The following PTPRO variants were observed in gnomAD, a reference collection of about 807,000 sequenced individuals.
PTPRO encodes the protein protein tyrosine phosphatase receptor type O, also known as receptor-type tyrosine-protein phosphatase O.
Under a neutral mutation model 145.2 loss-of-function variants are expected in PTPRO, and 62 were observed. The observed-to-expected ratio is 0.43, with a 90% CI of 0.35 to 0.53. PTPRO has a LOEUF of 0.53. Among genes scored for constraint, PTPRO ranks in the 20% least tolerant of loss-of-function variants. PTPRO has a pLI of 0.01. For synonymous variants in PTPRO, 565 were observed against 514.7 expected (o/e 1.10, Z -1.32); for missense variants, 1,345 against 1,482.7 (o/e 0.91, Z 1.53).
At chr12:15,456,456 C>T (rs185758362) in intron 1 of PTPRO, among the ~76,000 whole-genome samples, 99 of 152,216 alleles carry the variant, frequency 6.5e-4, no homozygotes, top group Non-Finnish European at 1.3e-4. Flanking sequence ...CTTTGTTTGG[C>T]ATTGGTATCA....
chr12:15,532,369 A>G (rs148410188), intron 12 of PTPRO, among the ~76,000 whole-genome samples: 118 of 152,294 alleles, frequency 7.7e-4, no homozygotes, highest in African/African-American at 2.7e-3. Context: ...GTAGCAAAGT[A>G]CTTGCAATTT....
Position 15,546,410 on chromosome 12 carries a change from A to G in PTPRO, c.2165-159A>G, listed in dbSNP as rs903604144. On this transcript the variant is annotated intron_variant, in intron 12 of 26. Coordinates refer to ENST00000281171, the MANE Select transcript of PTPRO (RefSeq NM_030667.3). ...ATTCTGCCTTCCAAGTTAGATAGCT[A>G]TCTTTATGAAAGGACATATTTCAAA... is the stretch of plus-strand genomic sequence containing the variant. The G allele has an allele frequency of 3.5e-6, 5 of 1,447,518 alleles. No individual in the cohort carries two copies. In the African/African-American group the frequency reaches 7.2e-5, roughly 21 times the overall value. 89.7% of individuals were successfully genotyped at this position (1,447,518 alleles called of 1,614,324 possible). A position where few individuals can be genotyped will look rare whatever the true frequency, so the allele number is the denominator to read the frequency against.
intron 19 of PTPRO, among the ~76,000 whole-genome samples, chr12:15,574,882 T>G (rs1944145456): frequency 6.6e-6 from 1 of 152,196 alleles, no homozygotes; most frequent in African/African-American, 2.4e-5. Context: ...CTGCTGACAT[T>G]GTTACAAACC....
In PTPRO at chr12:15,568,560, A is replaced by G. The variant is rs145562332; in HGVS notation, c.2748-857A>G. Reference sequence around the variant, plus strand: ...CTGCCAAAGTGGAAAGGCTTGAGTTAGATGACAGAATGTGGAATTCTGCAG... The same window carrying G: ...CTGCCAAAGTGGAAAGGCTTGAGTTGGATGACAGAATGTGGAATTCTGCAG... On this transcript the variant is annotated intron_variant, in intron 18 of 26. Coordinates refer to ENST00000281171, the MANE Select transcript of PTPRO (RefSeq NM_030667.3). Among the ~76,000 whole-genome samples the G allele has an allele frequency of 5.1e-3, 783 of 152,364 alleles. 11 individuals are homozygous for G. The highest frequency in any genetic ancestry group is 0.018 in the African/African-American group (731 of 41,590).
At position 15,497,274 on chromosome 12, in the gene PTPRO, T is replaced by C. The variant is rs774106115; in HGVS notation, c.379T>C (p.Tyr127His). 2 of 1,580,936 alleles carry C rather than the reference T, an allele frequency of 1.3e-6. No individual in the cohort carries two copies. Among genetic ancestry groups the C allele is most frequent in the Admixed American group, 1.7e-5 (1 of 59,978 alleles). The change falls in exon 3 of 27, where the codon TAT (tyrosine) becomes CAT (histidine). Residue 127 changes from tyrosine (Y) to histidine (H), a missense_variant. This residue lies in a region of PTPRO where 1,130 missense variants were observed against 1,214.7 expected (regional missense o/e 0.93). Transcript: ENST00000281171. Reference sequence around the variant, plus strand: ...TCTACCTGTAACCAGTGTTTCCATATATGACTATAAACCTTCTCCTGAAAC... The same window carrying C: ...TCTACCTGTAACCAGTGTTTCCATACATGACTATAAACCTTCTCCTGAAAC... ...KPLPVTSVSI[Y>H]DYKPSPETGV...
intron 18 of PTPRO, among the ~76,000 whole-genome samples, chr12:15,566,288 C>T (rs994219297): frequency 3.9e-5 from 6 of 151,998 alleles, no homozygotes; most frequent in Admixed American, 3.9e-4. Context: ...TGATACCTGC[C>T]TGGATAGAAC....
chr12:15,483,851 C>T (rs1056659317), intron 1 of PTPRO, 123 bp from the exon 2 acceptor site: 3 of 1,033,604 alleles, frequency 2.9e-6, no homozygotes, highest in Non-Finnish European at 4.3e-6. Context: ...AGAAATAAGG[C>T]TTACCATAAA....
intron 1 of PTPRO, among the ~76,000 whole-genome samples, chr12:15,424,599 C>T (rs1426303506): frequency 6.6e-6 from 1 of 151,972 alleles, no homozygotes; most frequent in Non-Finnish European, 1.5e-5. Context: ...GTGAGTTCCA[C>T]AGCTGATGTA....
chr12:15,460,909 T>C (rs1399215531), intron 1 of PTPRO, among the ~76,000 whole-genome samples: 1 of 152,170 alleles, frequency 6.6e-6, no homozygotes, highest in African/African-American at 2.4e-5. Context: ...TCTCTCCTTG[T>C]TCCCCTTGTA....
intron 23 of PTPRO, among the ~76,000 whole-genome samples, chr12:15,585,261 A>C (rs565729769): frequency 6.6e-6 from 1 of 152,240 alleles, no homozygotes; most frequent in Admixed American, 6.5e-5. Context: ...CCTGGCAACC[A>C]AAGTTATCTG....
intron 1 of PTPRO, among the ~76,000 whole-genome samples, chr12:15,446,930 T>C (rs960540549): frequency 7.2e-5 from 11 of 152,090 alleles, no homozygotes; most frequent in Admixed American, 6.6e-4. Context: ...AAGTAACACC[T>C]GCAGAGAGCA....
intron 1 of PTPRO, among the ~76,000 whole-genome samples, chr12:15,351,069 G>A (rs1937786309): frequency 6.6e-6 from 1 of 152,086 alleles, no homozygotes; most frequent in South Asian, 2.1e-4. Flanking sequence ...AGAATCAACT[G>A]TATGGCGGAC....
At chr12:15,382,793 C>T (rs1384945947) in intron 1 of PTPRO, among the ~76,000 whole-genome samples, 3 of 152,136 alleles carry the variant, frequency 2.0e-5, no homozygotes, top group Non-Finnish European at 4.4e-5. Flanking sequence ...CAACTAAGTA[C>T]AACTTCTGGC....
intron 6 of PTPRO, among the ~76,000 whole-genome samples, chr12:15,507,085 T>C (rs1942335470): frequency 6.6e-6 from 1 of 152,106 alleles, no homozygotes; most frequent in Non-Finnish European, 1.5e-5. Flanking sequence ...AAAAGTGAGA[T>C]TTAATAAAAG....
In PTPRO at chr12:15,559,270, C is replaced by G. The variant is rs1943714984; in HGVS notation, c.2628-923C>G. ...ATAAAATCAAGCACATTTTGCAGCT[C>G]TTCACAAAGACAGTTTTGCCGACTC... On this transcript the variant is annotated intron_variant, in intron 16 of 26. Transcript: ENST00000281171. Among the ~76,000 whole-genome samples, 3 of 152,136 alleles carry G rather than the reference C, an allele frequency of 2.0e-5. No homozygotes were observed. In the South Asian group the frequency reaches 6.2e-4, roughly 32 times the overall value.
chr12:15,564,324 C>A (rs556095845), intron 17 of PTPRO, among the ~76,000 whole-genome samples: 5 of 152,310 alleles, frequency 3.3e-5, no homozygotes, highest in Non-Finnish European at 7.3e-5. Flanking sequence ...TCAATCAGAA[C>A]ATCACAAGCC....
At chr12:15,429,247 T>C (rs1213727487) in intron 1 of PTPRO, among the ~76,000 whole-genome samples, 1 of 152,298 alleles carries the variant, frequency 6.6e-6, no homozygotes, top group East Asian at 1.9e-4. Context: ...ACTTGGTCTC[T>C]GTGCTAATGG....
chr12:15,495,267 G>A (rs1942077470), intron 2 of PTPRO, among the ~76,000 whole-genome samples: 1 of 151,134 alleles, frequency 6.6e-6, no homozygotes. Flanking sequence ...GAAAACTCCA[G>A]GAAAAATCAA....
chr12:15,517,066 C>T, intron 9 of PTPRO, 110 bp downstream of exon 9: 1 of 1,053,118 alleles, frequency 9.5e-7, no homozygotes, highest in Non-Finnish European at 1.5e-6. Context: ...TTTGTAAATA[C>T]ACATAGTGTG....
Sources: allele counts gnomAD v4.1 joint callset (sites outside exome capture counted in the v4.1 genomes callset), GRCh38; gene constraint gnomAD v4.1.1; regional missense constraint gnomAD v4.1.1; transcripts MANE v1.5; gene names NCBI Gene and HGNC (gene_info 2026-07-23, HGNC 2026-07-21).